The following TLE2 variants were observed in gnomAD, a reference collection of about 807,000 sequenced individuals.
TLE2 encodes transducin-like enhancer protein 2.
In TLE2, 74 loss-of-function variants were observed where a neutral mutation model predicts 97.2. The ratio of observed to expected loss-of-function variants is 0.76; its 90% confidence interval spans 0.63 to 0.92. The LOEUF is 0.92. Ranked by LOEUF, TLE2 falls within the 40% of genes least tolerant of loss-of-function variation. The pLI, the probability that TLE2 is intolerant of heterozygous loss-of-function variation, is 0.00. For synonymous variants in TLE2, 499 were observed against 432.1 expected (o/e 1.15, Z -1.92); for missense variants, 1,038 against 1,008.7 (o/e 1.03, Z -0.39).
At chr19:2,999,967 A>G (rs2089318232) in intron 19 of TLE2, among the ~76,000 whole-genome samples, 1 of 147,428 alleles carries the variant, frequency 6.8e-6, no homozygotes, top group Non-Finnish European at 1.5e-5. Flanking sequence ...CGGGAGGTGG[A>G]GCTTGCAGTG....
chr19:3,044,753 G>A (rs1388316879), intron 1 of TLE2, among the ~76,000 whole-genome samples: 4 of 152,184 alleles, frequency 2.6e-5, no homozygotes, highest in Non-Finnish European at 5.9e-5. Context: ...TTCCCTAATC[G>A]CTACACACCT....
At chr19:3,012,765 C>G (rs1284413468) in intron 11 of TLE2, among the ~76,000 whole-genome samples, 2 of 152,106 alleles carry the variant, frequency 1.3e-5, no homozygotes, top group Non-Finnish European at 2.9e-5. Context: ...GTCATCGCCT[C>G]CCCTGCCTCC....
Position 3,006,561 on chromosome 19 carries a change from C to A in TLE2, c.1359G>T (p.Thr453=). 6.2e-7 allele frequency: 1 copy of A among 1,603,396 alleles called. No individual in the cohort carries two copies. The highest frequency in any genetic ancestry group is 8.5e-7 in the Non-Finnish European group (1 of 1,176,044). ...GIPRHARQLH[T]LAHGEVVCAV... is the part of the protein sequence containing the mutation. ...CGCAGACCACCTCGCCATGGGCCAG[C>A]GTGTGCAGCTGCCGGGCGTGCCGCG... is the stretch of plus-strand genomic sequence containing the variant. Residue 453 remains threonine (T), a synonymous_variant, in exon 15 of 20, where the codon ACG becomes ACT. Coordinates refer to ENST00000262953, the MANE Select transcript of TLE2 (RefSeq NM_003260.5).
At position 3,019,536 on chromosome 19, in the gene TLE2, G is replaced by C; in HGVS notation, c.370-73C>G. On this transcript the variant is annotated intron_variant, in intron 6 of 19. Transcript: ENST00000262953. The surrounding 1 kb of genome is among the most constrained non-coding windows in gnomAD (Gnocchi z 5.1). ...CCAGCGGTCCCCAGCCCAAGAGGTA[G>C]ACACAGGGGATGGGACCTAAGCACA... 1 of 1,482,766 alleles carries C rather than the reference G, an allele frequency of 6.7e-7. No homozygotes were observed. The highest frequency in any genetic ancestry group is 1.4e-5 in the African/African-American group (1 of 71,782). 91.9% of individuals were successfully genotyped at this position (1,482,766 alleles called of 1,614,324 possible).
chr19:3,011,276 C>G, intron 11 of TLE2, 116 bp from the exon 12 acceptor site: 1 of 1,210,026 alleles, frequency 8.3e-7, no homozygotes, highest in South Asian at 1.7e-5. Context: ...ACCTGTAATC[C>G]CAGCACTTTG....
intron 1 of TLE2, among the ~76,000 whole-genome samples, chr19:3,037,189 G>A (rs1239338095): frequency 6.6e-6 from 1 of 152,216 alleles, no homozygotes; most frequent in East Asian, 1.9e-4. Flanking sequence ...GGAGACTGAG[G>A]CAGGAGAATT....
intron 17 of TLE2, among the ~76,000 whole-genome samples, chr19:3,004,830 C>G (rs1461321407): frequency 6.6e-6 from 1 of 152,032 alleles, no homozygotes; most frequent in African/African-American, 2.4e-5. Context: ...CATGGAAACC[C>G]TGAATGACAG....
chr19:3,017,846 C>G lies in TLE2; in HGVS notation c.564G>C (p.Pro188=), dbSNP rs372217000. The G allele has an allele frequency of 3.1e-6, 5 of 1,612,386 alleles. No homozygotes were observed. In the East Asian group the frequency reaches 1.1e-4, roughly 36 times the overall value. ...CAGGGTGCCACTCACTTACCCTGCT[C>G]GGGGCTCTCTCCACTGACAGATTGG... The part of the protein sequence containing the change: ...EAEGSRVERA[P]SRSASPSPPE... The change falls in exon 8 of 20, where the codon CCG becomes CCC. Residue 188 remains proline, a synonymous_variant. Coordinates refer to ENST00000262953, the MANE Select transcript of TLE2 (RefSeq NM_003260.5).
rs146678500 is a variant in TLE2 at position 3,028,254 on chromosome 19, G to A, written c.186+65C>T. 1,372 of 1,509,028 alleles carry A rather than the reference G, an allele frequency of 9.1e-4. 13 individuals carry two copies. The African/African-American group carries it at 0.017, about 19-fold the overall frequency. The allele number at this position is 1,509,028 out of a possible 1,614,324, so 93.5% of individuals were successfully genotyped here. A position where few individuals can be genotyped will look rare whatever the true frequency, so the allele number is the denominator to read the frequency against. Reference sequence around the variant, plus strand: ...CGGAGTGGGGCAGGGACCTACCCCAGAGTCCACCGTGACTCAAAGCCCTGC... The same window carrying A: ...CGGAGTGGGGCAGGGACCTACCCCAAAGTCCACCGTGACTCAAAGCCCTGC... On this transcript the variant is annotated intron_variant, in intron 3 of 19. Transcript: ENST00000262953.
intron 17 of TLE2, 115 bp from the exon 18 acceptor site, chr19:3,002,618 A>C: frequency 7.7e-7 from 1 of 1,291,268 alleles, no homozygotes; most frequent in Non-Finnish European, 1.1e-6. Context: ...GGCTCACTGC[A>C]GCCTTGACCT....
intron 8 of TLE2, among the ~76,000 whole-genome samples, chr19:3,017,452 C>CTTTTTTTTTTT (rs529847551): frequency 8.1e-6 from 1 of 123,840 alleles, no homozygotes; most frequent in African/African-American, 3.2e-5. Flanking sequence ...TTCTTTCTTT[C>CTTTTTTTTTTT]TTTTTTTTTT....
At chr19:3,040,322 A>G (rs2090090759) in intron 1 of TLE2, among the ~76,000 whole-genome samples, 1 of 151,956 alleles carries the variant, frequency 6.6e-6, no homozygotes, top group Non-Finnish European at 1.5e-5. Context: ...GCATGGCCCA[A>G]TCTGAATCTT....
intron 1 of TLE2, among the ~76,000 whole-genome samples, chr19:3,036,572 G>C (rs2090064885): frequency 6.6e-6 from 1 of 152,238 alleles, no homozygotes. Flanking sequence ...GGGCTCGCGG[G>C]TGACCTCTGA....
intron 1 of TLE2, among the ~76,000 whole-genome samples, chr19:3,042,987 T>A (rs184557805): frequency 2.0e-5 from 3 of 152,202 alleles, no homozygotes; most frequent in Admixed American, 1.3e-4. Flanking sequence ...TTAATTAATT[T>A]ATTTTTTATT....
intron 14 of TLE2, among the ~76,000 whole-genome samples, chr19:3,008,514 G>C (rs548030222): frequency 6.6e-6 from 1 of 150,466 alleles, no homozygotes; most frequent in African/African-American, 2.4e-5. Context: ...GCAATGGCAC[G>C]GTCTCAGCTC....
chr19:3,016,156 G>C (rs45521535), intron 8 of TLE2, among the ~76,000 whole-genome samples: 7 of 151,624 alleles, frequency 4.6e-5, no homozygotes, highest in Admixed American at 3.9e-4. Context: ...GGCCTATCTC[G>C]AACTCCTGAC....
At chr19:3,000,545 G>A (rs188353112) in intron 19 of TLE2, 102 bp downstream of exon 19, 36 of 1,043,694 alleles carry the variant, frequency 3.4e-5, no homozygotes, top group East Asian at 7.9e-5. Flanking sequence ...TTAGGGTGGC[G>A]GGGGGACCTG....
chr19:3,016,093 G>A (rs574131013), intron 8 of TLE2, among the ~76,000 whole-genome samples: 5 of 151,426 alleles, frequency 3.3e-5, no homozygotes, highest in Middle Eastern at 3.4e-3. Flanking sequence ...CCACCACCAC[G>A]CCCAGCTAAT....
At chr19:3,041,948 G>A (rs2090106404) in intron 1 of TLE2, among the ~76,000 whole-genome samples, 2 of 152,008 alleles carry the variant, frequency 1.3e-5, no homozygotes, top group African/African-American at 4.8e-5. Context: ...CCAGGGTTGG[G>A]CAGGCCTAGG....
Sources: allele counts gnomAD v4.1 joint callset (sites outside exome capture counted in the v4.1 genomes callset), GRCh38; gene constraint gnomAD v4.1.1; non-coding constraint Gnocchi (gnomAD v3.1); transcripts MANE v1.5; gene names NCBI Gene and HGNC (gene_info 2026-07-23, HGNC 2026-07-21).